WDFY2: variants seen among roughly 807,000 people sequenced by gnomAD.
WDFY2 encodes the protein WD repeat and FYVE domain-containing protein 2.
In WDFY2, 36 loss-of-function variants were observed where a neutral mutation model predicts 56.4. The ratio of observed to expected loss-of-function variants is 0.64; its 90% CI spans 0.49 to 0.84. The LOEUF (loss-of-function observed/expected upper bound fraction) is 0.84. Among genes scored for constraint, WDFY2 ranks in the 40% least tolerant of loss-of-function variants. WDFY2 has a pLI of 0.00. For missense variants in WDFY2, 444 were observed against 512.2 expected, an observed-to-expected ratio of 0.87 and a Z score of 1.29; for synonymous variants, 176 against 183.7, an observed-to-expected ratio of 0.96 and a Z score of 0.34.
intron 3 of WDFY2, among the ~76,000 whole-genome samples, chr13:51,684,172 C>G (rs943395017): frequency 2.6e-5 from 4 of 152,112 alleles, no homozygotes; most frequent in African/African-American, 9.7e-5. Flanking sequence ...AGACTTCTAA[C>G]CATATTGGCA....
At chr13:51,675,099 C>G in intron 2 of WDFY2, 71 bp from the exon 3 acceptor site, 1 of 1,400,878 alleles carries the variant, frequency 7.1e-7, no homozygotes, top group South Asian at 1.2e-5. Flanking sequence ...ACACTTTTAG[C>G]TAGTTAGGCA....
intron 4 of WDFY2, among the ~76,000 whole-genome samples, chr13:51,716,154 G>A (rs1029780295): frequency 1.1e-4 from 16 of 152,178 alleles, no homozygotes; most frequent in Non-Finnish European, 4.4e-5. Context: ...ACATTTATAT[G>A]AAGTGTCAGG....
At chr13:51,682,735 A>G (rs1429968010) in intron 3 of WDFY2, among the ~76,000 whole-genome samples, 3 of 152,164 alleles carry the variant, frequency 2.0e-5, no homozygotes, top group African/African-American at 7.2e-5. Context: ...TGTATGTATC[A>G]AATGCTCCAT....
intron 4 of WDFY2, among the ~76,000 whole-genome samples, chr13:51,707,166 G>A (rs1422927411): frequency 6.6e-6 from 1 of 151,978 alleles, no homozygotes; most frequent in Non-Finnish European, 1.5e-5. Context: ...TCTTTTTTTG[G>A]GGGGCAGCAG....
At chr13:51,666,096 G>C (rs1414383865) in intron 2 of WDFY2, among the ~76,000 whole-genome samples, 2 of 152,162 alleles carry the variant, frequency 1.3e-5, no homozygotes, top group Admixed American at 1.3e-4. Context: ...AGTCCTCTCT[G>C]AAACGTGATT....
intron 1 of WDFY2, among the ~76,000 whole-genome samples, chr13:51,609,513 A>T (rs575878730): frequency 6.6e-6 from 1 of 152,244 alleles, no homozygotes; most frequent in African/African-American, 2.4e-5. Context: ...CCCTCTCTGC[A>T]AGACTGTAGC....
chr13:51,745,292 A>G (rs531904230), intron 7 of WDFY2, among the ~76,000 whole-genome samples: 67 of 152,350 alleles, frequency 4.4e-4, no homozygotes, highest in African/African-American at 1.3e-3. Context: ...AAATGAATAC[A>G]TGTCAAAGAT....
At chr13:51,750,632 A>G (rs1442866807) in intron 7 of WDFY2, among the ~76,000 whole-genome samples, 1 of 152,108 alleles carries the variant, frequency 6.6e-6, no homozygotes, top group Non-Finnish European at 1.5e-5. Flanking sequence ...CACTCAGACC[A>G]TAAAACTAGA....
At chr13:51,665,971 CTTGGCCTGGTG>C in intron 2 of WDFY2, among the ~76,000 whole-genome samples, 1 of 152,172 alleles carries the variant, frequency 6.6e-6, no homozygotes, top group East Asian at 1.9e-4. Context: ...AGTTCTCTGC[CTTGGCCTGGTG>C]GGATGGCATT....
At chr13:51,709,786 A>G (rs1399452096) in intron 4 of WDFY2, among the ~76,000 whole-genome samples, 1 of 152,208 alleles carries the variant, frequency 6.6e-6, no homozygotes, top group Non-Finnish European at 1.5e-5. Context: ...AACTGAGGCA[A>G]TAATTAATAG....
chr13:51,696,641 C>T (rs949271383), intron 3 of WDFY2, among the ~76,000 whole-genome samples: 10 of 152,086 alleles, frequency 6.6e-5, no homozygotes, highest in South Asian at 4.1e-4. Flanking sequence ...AGAAAAAGAT[C>T]GATTTTAATT....
intron 5 of WDFY2, among the ~76,000 whole-genome samples, chr13:51,727,197 A>G (rs889273354): frequency 6.6e-6 from 1 of 152,138 alleles, no homozygotes; most frequent in African/African-American, 2.4e-5. Context: ...ACTAAATTTC[A>G]TTGTGCTTTT....
chr13:51,597,899 C>A (rs1310159161), intron 1 of WDFY2, among the ~76,000 whole-genome samples: 1 of 152,120 alleles, frequency 6.6e-6, no homozygotes, highest in Non-Finnish European at 1.5e-5. Context: ...CATGTATATG[C>A]AAAATTCAGA....
rs542339436 is a variant in WDFY2 at position 51,651,206 on chromosome 13, G to A, written c.138-9390G>A. On this transcript the variant is annotated intron_variant, in intron 1 of 11. Coordinates refer to ENST00000298125, the MANE Select transcript of WDFY2 (RefSeq NM_052950.4). ...GATTTTCTAGTATATTTGCATAGAGGTGTTTATAGTATTCTCTGATAGTAG... is the reference window on the plus strand; with the variant it reads ...GATTTTCTAGTATATTTGCATAGAGATGTTTATAGTATTCTCTGATAGTAG... Among the ~76,000 whole-genome samples the A allele has an allele frequency of 4.9e-4, 75 of 152,282 alleles. 1 individual carries two copies. The highest frequency in any genetic ancestry group is 1.5e-3 in the South Asian group (7 of 4,816).
chr13:51,611,072 T>C (rs944648927), intron 1 of WDFY2, among the ~76,000 whole-genome samples: 3 of 152,218 alleles, frequency 2.0e-5, no homozygotes, highest in Non-Finnish European at 4.4e-5. Context: ...CAGCTTATGC[T>C]AGTAATTAAG....
intron 1 of WDFY2, among the ~76,000 whole-genome samples, chr13:51,615,491 G>A (rs1319941631): frequency 1.3e-5 from 2 of 152,174 alleles, no homozygotes; most frequent in South Asian, 2.1e-4. Context: ...TTGAAGAACA[G>A]TTTGGCAGTA....
At chr13:51,646,063 C>T (rs993258527) in intron 1 of WDFY2, among the ~76,000 whole-genome samples, 8 of 151,982 alleles carry the variant, frequency 5.3e-5, no homozygotes, top group Non-Finnish European at 1.0e-4. Context: ...TAAAATCTGT[C>T]CTCTCTCTTC....
chr13:51,756,331 G>A lies in WDFY2; in HGVS notation c.934-1G>A, dbSNP rs1292117710. On this transcript the variant is annotated splice_acceptor_variant, in intron 9 of 11. Transcript: ENST00000298125. LOFTEE classifies it high-confidence loss of function. ...GTATCTATTTTATCTCCCTCCTCCA[G>A]CACCACTGCCGCAAGTGTGGGAAGG... 2.5e-6 allele frequency: 4 copies of A among 1,612,872 alleles called. No individual in the cohort carries two copies. The African/African-American group carries it at 5.3e-5, about 22-fold the overall frequency.
intron 1 of WDFY2, among the ~76,000 whole-genome samples, chr13:51,618,108 A>G (rs1954655090): frequency 6.6e-6 from 1 of 152,224 alleles, no homozygotes; most frequent in Non-Finnish European, 1.5e-5. Context: ...CTATTTATTC[A>G]ATACAATTTT....
Sources: gnomAD v4.1 joint callset for allele counts (sites outside exome capture counted in the v4.1 genomes callset) on GRCh38, gnomAD v4.1.1 for gene constraint, MANE v1.5 for transcripts, NCBI Gene and HGNC (gene_info 2026-07-23, HGNC 2026-07-21) for gene names.